SP140L: variants seen among roughly 807,000 people sequenced by gnomAD.
The protein encoded by SP140L is nuclear body protein SP140-like protein.
SP140L carries 64 observed loss-of-function variants against 84.3 expected under a neutral mutation model. That is an observed-to-expected ratio of 0.76 (90% CI 0.62 to 0.94). The LOEUF (loss-of-function observed/expected upper bound fraction) is 0.94. Among genes scored for constraint, SP140L ranks in the 40% least tolerant of loss-of-function variants. The pLI, the probability that SP140L is intolerant of heterozygous loss-of-function variation, is 0.00. For missense variants in SP140L, 628 were observed against 692.5 expected, an observed-to-expected ratio of 0.91 and a Z score of 1.05; for synonymous variants, 242 against 236.9, an observed-to-expected ratio of 1.02 and a Z score of -0.20.
chr2:230,388,006 A>T (rs1369545986), intron 9 of SP140L, among the ~76,000 whole-genome samples: 2 of 152,172 alleles, frequency 1.3e-5, no homozygotes, highest in Non-Finnish European at 2.9e-5. Context: ...TCACCTATGG[A>T]GCACCTAATA....
At chr2:230,385,593 G>C (rs2061549516) in intron 9 of SP140L, among the ~76,000 whole-genome samples, 1 of 152,130 alleles carries the variant, frequency 6.6e-6, no homozygotes, top group Non-Finnish European at 1.5e-5. Context: ...GCTGGACCTG[G>C]TAAATTGTAA....
chr2:230,371,656 G>A lies in SP140L; in HGVS notation c.637+5G>A. On this transcript the variant is annotated splice_donor_5th_base_variant and intron_variant, in intron 7 of 18. Transcript: ENST00000415673. ...GAAAACCCAAGAGGAAAAGAAGTAAGAATAAATAAGAATTTACTTGCTTTT... is the reference window on the plus strand; with the variant it reads ...GAAAACCCAAGAGGAAAAGAAGTAAAAATAAATAAGAATTTACTTGCTTTT... 6.3e-7 allele frequency: 1 copy of A among 1,585,760 alleles called. No homozygotes were observed. Among genetic ancestry groups the A allele is most frequent in the Non-Finnish European group, 8.6e-7 (1 of 1,156,958 alleles).
Position 230,396,771 on chromosome 2 carries a change from T to G in SP140L, c.1170T>G (p.Ser390=). ...TTTTTCAACAGAGAATACTGAAGTCTCAAAACAATAGCTCAGTTGACCCTT... is the reference window on the plus strand; with the variant it reads ...TTTTTCAACAGAGAATACTGAAGTCGCAAAACAATAGCTCAGTTGACCCTT... ...YYRNKKRILK[S]QNNSSVDPCM... Residue 390 remains serine, a synonymous_variant, in exon 14 of 19, where the codon TCT becomes TCG. Transcript: ENST00000415673. 6.2e-7 allele frequency: 1 copy of G among 1,614,050 alleles called. No homozygotes were observed.
intron 4 of SP140L, among the ~76,000 whole-genome samples, chr2:230,360,290 C>T (rs2060675834): frequency 6.6e-6 from 1 of 152,020 alleles, no homozygotes; most frequent in African/African-American, 2.4e-5. Context: ...TAAGAGAGAT[C>T]AATTGGAGGA....
chr2:230,380,704 T>TA (rs1478874451), intron 7 of SP140L, among the ~76,000 whole-genome samples: 1 of 152,214 alleles, frequency 6.6e-6, no homozygotes, highest in Non-Finnish European at 1.5e-5. Flanking sequence ...TTTGGGTTTT[T>TA]AAAAAACTTT....
chr2:230,391,157 G>C (rs1477672950), intron 11 of SP140L, among the ~76,000 whole-genome samples: 3 of 152,168 alleles, frequency 2.0e-5, no homozygotes, highest in East Asian at 3.8e-4. Context: ...CTCTTTGGCT[G>C]TTATAAATAA....
Position 230,400,442 on chromosome 2 carries a change from C to A in SP140L, c.1313+200C>A, listed in dbSNP as rs74002111. The A allele has an allele frequency of 6.2e-3, 3,601 of 579,810 alleles. 120 individuals carry two copies. Among genetic ancestry groups the A allele is most frequent in the African/African-American group, 0.061 (3,255 of 53,452 alleles). 35.9% of individuals were successfully genotyped at this position (579,810 alleles called of 1,614,324 possible). The stretch of plus-strand genomic sequence containing the variant: ...AATGCTCTCTGTGCTCTCAGGGACA[C>A]CTCCTCTGATATGCTGAGGCCAGTG... On this transcript the variant is annotated intron_variant, in intron 15 of 18. Transcript: ENST00000415673.
At chr2:230,350,687 T>A (rs73110346) in intron 2 of SP140L, among the ~76,000 whole-genome samples, 17,966 of 151,470 alleles carry the variant, frequency 0.12, 1,088 homozygotes, top group Middle Eastern at 0.15. Flanking sequence ...TTTAAGACGT[T>A]AGGGATTGAC....
Position 230,351,689 on chromosome 2 carries a change from C to A in SP140L, c.108-6116C>A, listed in dbSNP as rs1037778034. Among the ~76,000 whole-genome samples the A allele has an allele frequency of 9.2e-5, 14 of 152,252 alleles. No individual in the cohort carries two copies. The East Asian group carries it at 1.9e-3, about 21-fold the overall frequency. On this transcript the variant is annotated intron_variant, in intron 2 of 18. Coordinates refer to ENST00000415673, the MANE Select transcript of SP140L (RefSeq NM_138402.6). ...TTCGAGACGGAGTCTCACTGTCACC[C>A]AGCCCAGAGTGCAGTGGTGTGACCT...
At chr2:230,382,373 A>T (rs1383796527) in intron 7 of SP140L, among the ~76,000 whole-genome samples, 2 of 152,046 alleles carry the variant, frequency 1.3e-5, no homozygotes, top group Non-Finnish European at 2.9e-5. Context: ...GACAGATATC[A>T]CCAATGCTCC....
chr2:230,392,171 C>G lies in SP140L; in HGVS notation c.1049C>G (p.Ser350Ter). 6.2e-7 allele frequency: 1 copy of G among 1,614,096 alleles called. No individual in the cohort carries two copies. The highest frequency in any genetic ancestry group is 2.2e-5 in the East Asian group (1 of 44,886). The change falls in exon 12 of 19, where the codon TCA becomes TGA. Residue 350 changes from serine (S) to a stop codon, truncating the protein, a stop_gained. Transcript: ENST00000415673. LOFTEE classifies it high-confidence loss of function. Reference protein sequence around the residue: ...EFEIKGGYARSKNWRLSVRCG... With the variant: ...EFEIKGGYAR ...GAAATCAAAGGAGGCTACGCAAGAT[C>G]AAAGAACTGGAGGCTGAGTGTGCGC...
chr2:230,396,274 A>G (rs956772729), intron 13 of SP140L, among the ~76,000 whole-genome samples: 3 of 152,196 alleles, frequency 2.0e-5, no homozygotes, highest in African/African-American at 7.2e-5. Context: ...GTAGATATAT[A>G]GGTCCAAAAA....
Position 230,327,213 on chromosome 2 carries a change from C to A in SP140L, c.-57C>A. On this transcript the variant is annotated 5_prime_UTR_variant, in exon 1 of 19. Transcript: ENST00000415673. ...CAGCCACACTGCACGCAGGCTGGGCCGACTGGGGAGCTCATAGGCCAGGCT... is the reference window on the plus strand; with the variant it reads ...CAGCCACACTGCACGCAGGCTGGGCAGACTGGGGAGCTCATAGGCCAGGCT... 1.9e-6 allele frequency: 3 copies of A among 1,572,992 alleles called. No individual in the cohort carries two copies. Among genetic ancestry groups the A allele is most frequent in the Non-Finnish European group, 2.6e-6 (3 of 1,157,798 alleles).
At chr2:230,392,449 C>T (rs1216630491) in intron 12 of SP140L, among the ~76,000 whole-genome samples, 1 of 152,058 alleles carries the variant, frequency 6.6e-6, no homozygotes, top group East Asian at 1.9e-4. Flanking sequence ...GACTCAGCAG[C>T]TTGGAGGAGG....
At chr2:230,386,557 T>G (rs980370426) in intron 9 of SP140L, among the ~76,000 whole-genome samples, 2 of 152,214 alleles carry the variant, frequency 1.3e-5, no homozygotes, top group African/African-American at 4.8e-5. Flanking sequence ...AAATGGGTAT[T>G]ACAGCCTGAG....
Position 230,400,940 on chromosome 2 carries a change from T to A in SP140L, c.1314-15T>A. The A allele has an allele frequency of 6.7e-7, 1 of 1,490,200 alleles. No individual in the cohort carries two copies. The allele number at this position is 1,490,200 out of a possible 1,614,324, so 92.3% of individuals were successfully genotyped here. ...AAGCTCCCTGCCCTCTGCTCACCCATGTCCAATCTCTCAGGACCCCGTGGA... is the reference window on the plus strand; with the variant it reads ...AAGCTCCCTGCCCTCTGCTCACCCAAGTCCAATCTCTCAGGACCCCGTGGA... On this transcript the variant is annotated splice_polypyrimidine_tract_variant and intron_variant, in intron 15 of 18. Coordinates refer to ENST00000415673, the MANE Select transcript of SP140L (RefSeq NM_138402.6).
chr2:230,333,300 A>C (rs546622358), intron 2 of SP140L, among the ~76,000 whole-genome samples: 1 of 152,112 alleles, frequency 6.6e-6, no homozygotes, highest in South Asian at 2.1e-4. Context: ...CTGGGACTAC[A>C]GGTGCCCACC....
intron 1 of SP140L, among the ~76,000 whole-genome samples, chr2:230,327,851 T>G (rs1266223575): frequency 3.9e-5 from 6 of 152,202 alleles, no homozygotes; most frequent in South Asian, 2.1e-4. Context: ...TTTCCTTGAC[T>G]GACTCAGGGT....
At chr2:230,357,282 TA>T (rs1386556488) in intron 2 of SP140L, among the ~76,000 whole-genome samples, 1 of 152,222 alleles carries the variant, frequency 6.6e-6, no homozygotes, top group Admixed American at 6.5e-5. Flanking sequence ...TTATCATTAT[TA>T]AACCACATTG....
Sources: allele counts gnomAD v4.1 joint callset (sites outside exome capture counted in the v4.1 genomes callset), GRCh38; gene constraint gnomAD v4.1.1; transcripts MANE v1.5; gene names NCBI Gene and HGNC (gene_info 2026-07-23, HGNC 2026-07-21).